COA1: variants seen among roughly 807,000 people sequenced by gnomAD.
COA1 encodes the protein cytochrome c oxidase assembly factor 1, also known as cytochrome c oxidase assembly factor 1 homolog.
Under a neutral mutation model 16.0 loss-of-function variants are expected in COA1, and 13 were observed. The observed-to-expected ratio is 0.81, with a 90% CI of 0.53 to 1.29. The LOEUF is 1.29. COA1 is among the 50% of genes most tolerant of loss of function. The pLI is 0.00. For synonymous variants in COA1, 65 were observed against 65.7 expected, an observed-to-expected ratio of 0.99 and a Z score of 0.05; for missense variants, 179 against 177.0, an observed-to-expected ratio of 1.01 and a Z score of -0.06.
At chr7:43,648,220 T>C (rs1371600842) in intron 2 of COA1, 1 of 317,524 alleles carries the variant, frequency 3.1e-6, no homozygotes, top group East Asian at 6.0e-5. Context: ...TCAAAATGAG[T>C]GTAAAGTTAA....
intron 6 of COA1, among the ~76,000 whole-genome samples, chr7:43,618,050 A>G (rs1171237451): frequency 6.6e-6 from 1 of 152,254 alleles, no homozygotes; most frequent in East Asian, 1.9e-4. Flanking sequence ...ATGAGAGGAC[A>G]GAAGTCAGAT....
At chr7:43,712,727 T>C (rs777943155) in intron 1 of COA1, among the ~76,000 whole-genome samples, 4 of 152,238 alleles carry the variant, frequency 2.6e-5, no homozygotes, top group African/African-American at 4.8e-5. Context: ...TGTATAAACA[T>C]TGAACCTCAG....
At chr7:43,700,896 T>C (rs2094710262) in intron 1 of COA1, among the ~76,000 whole-genome samples, 2 of 152,016 alleles carry the variant, frequency 1.3e-5, no homozygotes, top group South Asian at 2.1e-4. Context: ...AATGATGCCA[T>C]AAACAAAGCA....
At chr7:43,623,927 C>G (rs1411197184) in intron 6 of COA1, 3 of 1,300,398 alleles carry the variant, frequency 2.3e-6, no homozygotes, top group South Asian at 4.5e-5. Flanking sequence ...TGAACTAATT[C>G]AATATTAAAA....
At chr7:43,727,856 C>G (rs549632945) in intron 1 of COA1, among the ~76,000 whole-genome samples, 54 of 152,162 alleles carry the variant, frequency 3.5e-4, no homozygotes, top group African/African-American at 1.3e-3. Flanking sequence ...TTATTGGAGT[C>G]TGTCTGAAAT....
rs575978836 is a variant in COA1, at chr7:43,639,354, T to C, written c.*228A>G. ...ACATTACATTATCTTAAATTTATAA[T>C]AGGAGTTTCTTTCGGATTCAGTTTA... On this transcript the variant is annotated 3_prime_UTR_variant, in exon 6 of 6. Coordinates refer to ENST00000223336, the MANE Select transcript of COA1 (RefSeq NM_018224.4). 3 of 382,122 alleles carry C rather than the reference T, an allele frequency of 7.9e-6. No homozygotes were observed. Among genetic ancestry groups the C allele is most frequent in the Non-Finnish European group, 1.4e-5 (3 of 210,782 alleles). 23.7% of individuals were successfully genotyped at this position (382,122 alleles called of 1,614,324 possible).
intron 1 of COA1, among the ~76,000 whole-genome samples, chr7:43,662,072 T>C (rs919205592): frequency 3.3e-5 from 5 of 152,228 alleles, no homozygotes; most frequent in African/African-American, 1.2e-4. Context: ...TCAGATTACA[T>C]ATGACAATTA....
chr7:43,697,648 T>A (rs1305967944), intron 1 of COA1, among the ~76,000 whole-genome samples: 1 of 152,248 alleles, frequency 6.6e-6, no homozygotes, highest in African/African-American at 2.4e-5. Context: ...CTTCTTCTAA[T>A]TGAAATGAAT....
chr7:43,638,801 T>G (rs1383660675), downstream of COA1: 1 of 152,224 alleles, frequency 6.6e-6, no homozygotes, highest in East Asian at 1.9e-4. Flanking sequence ...GGTCTCAAAC[T>G]CCTGACCTCA....
At chr7:43,658,269 G>A (rs2092020491) in intron 1 of COA1, among the ~76,000 whole-genome samples, 1 of 151,796 alleles carries the variant, frequency 6.6e-6, no homozygotes, top group Non-Finnish European at 1.5e-5. Context: ...GGAGGCAGGA[G>A]AATGGCGTGA....
chr7:43,716,642 G>A (rs942622310), intron 1 of COA1, among the ~76,000 whole-genome samples: 1 of 152,200 alleles, frequency 6.6e-6, no homozygotes, highest in African/African-American at 2.4e-5. Context: ...TTTATGAGGA[G>A]AAATTCAAGC....
chr7:43,708,236 G>A (rs2095075007), intron 1 of COA1, among the ~76,000 whole-genome samples: 1 of 152,178 alleles, frequency 6.6e-6, no homozygotes, highest in African/African-American at 2.4e-5. Context: ...GGAACGCTGA[G>A]GCGGAGGGAT....
intron 1 of COA1, among the ~76,000 whole-genome samples, chr7:43,657,879 G>C (rs889602700): frequency 6.6e-6 from 1 of 152,088 alleles, no homozygotes; most frequent in Non-Finnish European, 1.5e-5. Flanking sequence ...CAAAGATACA[G>C]AGAAGGCAAA....
chr7:43,632,231 T>G (rs888517352), intron 6 of COA1: 2 of 165,910 alleles, frequency 1.2e-5, no homozygotes, highest in Non-Finnish European at 2.5e-5. Context: ...TCACCTTCTT[T>G]GCTCGTCCAT....
chr7:43,641,944 G>T (rs1028625001), intron 4 of COA1: 1 of 152,252 alleles, frequency 6.6e-6, no homozygotes, highest in African/African-American at 2.4e-5. Flanking sequence ...GTGCCTTCCT[G>T]TGTCCTCGGT....
At chr7:43,707,882 T>C (rs1473869814) in intron 1 of COA1, among the ~76,000 whole-genome samples, 2 of 152,152 alleles carry the variant, frequency 1.3e-5, no homozygotes. Context: ...GGAAGTAAAA[T>C]TACAAAGTCA....
chr7:43,633,559 T>G (rs2085381398), intron 6 of COA1, among the ~76,000 whole-genome samples: 1 of 150,310 alleles, frequency 6.7e-6, no homozygotes, highest in Non-Finnish European at 1.5e-5. Context: ...TGATCACAGC[T>G]CTCCATAATA....
At chr7:43,677,494 A>C (rs1264804534) in intron 1 of COA1, among the ~76,000 whole-genome samples, 1 of 152,204 alleles carries the variant, frequency 6.6e-6, no homozygotes, top group Admixed American at 6.5e-5. Context: ...TATCCTTGAC[A>C]AAAAATTGTA....
At chr7:43,722,482 C>A (rs540956160) in intron 1 of COA1, among the ~76,000 whole-genome samples, 2 of 152,172 alleles carry the variant, frequency 1.3e-5, no homozygotes, top group Admixed American at 1.3e-4. Flanking sequence ...TCCCTGCAAC[C>A]TCTGCCTCCC....
Sources: allele counts gnomAD v4.1 joint callset (sites outside exome capture counted in the v4.1 genomes callset), GRCh38; gene constraint gnomAD v4.1.1; transcripts MANE v1.5; gene names NCBI Gene and HGNC (gene_info 2026-07-23, HGNC 2026-07-21).